The following MARF1 variants were observed in gnomAD, a reference collection of about 807,000 sequenced individuals.
The protein encoded by MARF1 is meiosis regulator and mRNA stability factor 1.
MARF1 carries 24 observed loss-of-function variants against 168.2 expected under a neutral mutation model. The ratio of observed to expected loss-of-function variants is 0.14; its 90% CI spans 0.10 to 0.20. The LOEUF is 0.20. MARF1 is among the 10% of genes least tolerant of loss of function. The pLI is 1.00. For synonymous variants in MARF1, 868 were observed against 822.4 expected (o/e 1.06, Z -0.95); for missense variants, 1,744 against 2,143.6 (o/e 0.81, Z 3.68).
chr16:15,629,311 TCTGG>T (rs2035086609), intron 7 of MARF1, among the ~76,000 whole-genome samples: 1 of 152,146 alleles, frequency 6.6e-6, no homozygotes, highest in African/African-American at 2.4e-5. Flanking sequence ...TGGGTAAGCC[TCTGG>T]TATCCACAAC....
Position 15,625,158 on chromosome 16 carries a change from C to G in MARF1, c.1969G>C (p.Glu657Gln). ...VKSLQELCRM[E>Q]SKTGHRNSEH... Reference sequence around the variant, plus strand: ...CTGTTTCTATGACCAGTTTTTGACTCCATGCGGCACAGCTCCTTCAAAGAC... The same window carrying G: ...CTGTTTCTATGACCAGTTTTTGACTGCATGCGGCACAGCTCCTTCAAAGAC... Residue 657 changes from glutamate to glutamine, a missense_variant, in exon 9 of 27, where the codon GAG (glutamate) becomes CAG (glutamine). Physicochemically the swap from Glu to Gln is conservative, Grantham distance 29. Coordinates refer to ENST00000396368, the MANE Select transcript of MARF1 (RefSeq NM_014647.4). 6.2e-7 allele frequency: 1 copy of G among 1,614,052 alleles called. No individual in the cohort carries two copies. Among genetic ancestry groups the G allele is most frequent in the South Asian group, 1.1e-5 (1 of 91,072 alleles).
At chr16:15,627,447 C>G (rs1454057808) in intron 7 of MARF1, among the ~76,000 whole-genome samples, 2 of 151,926 alleles carry the variant, frequency 1.3e-5, no homozygotes, top group Non-Finnish European at 2.9e-5. Flanking sequence ...AGTGAAACCC[C>G]CTCTCTACTA....
intron 1 of MARF1, chr16:15,642,391 A>T (rs2151355529): frequency 6.6e-6 from 1 of 152,350 alleles, no homozygotes; most frequent in Admixed American, 6.5e-5. Context: ...TTGAACGAAT[A>T]AAGCTTAATA....
intron 7 of MARF1, among the ~76,000 whole-genome samples, chr16:15,626,796 C>A (rs980296999): frequency 6.6e-6 from 1 of 151,108 alleles, no homozygotes; most frequent in Non-Finnish European, 1.5e-5. Context: ...CCCATCTCTA[C>A]TAAAAATACA....
chr16:15,602,283 G>T, intron 22 of MARF1, 80 bp from the exon 23 acceptor site: 1 of 1,131,460 alleles, frequency 8.8e-7, no homozygotes, highest in Non-Finnish European at 1.3e-6. Flanking sequence ...CCCACTGAGG[G>T]AAAAGGCCCA....
At chr16:15,601,710 T>C (rs1177990611) in intron 23 of MARF1, 6 of 525,944 alleles carry the variant, frequency 1.1e-5, no homozygotes, top group Non-Finnish European at 2.1e-5. Flanking sequence ...CCCTGACTAG[T>C]TGCCTGCTTG....
intron 21 of MARF1, among the ~76,000 whole-genome samples, chr16:15,606,759 T>A (rs2033049687): frequency 6.6e-6 from 1 of 152,164 alleles, no homozygotes; most frequent in Admixed American, 6.5e-5. Flanking sequence ...TATGTTCATC[T>A]TCTCTCTCTA....
At chr16:15,630,696 A>C (rs1473145234) in intron 6 of MARF1, among the ~76,000 whole-genome samples, 192 bp from the exon 7 acceptor site, 1 of 152,202 alleles carries the variant, frequency 6.6e-6, no homozygotes, top group Non-Finnish European at 1.5e-5. Flanking sequence ...AAAGAATTCC[A>C]AGACACATAT....
rs999638478 is a variant in MARF1 at position 15,595,187 on chromosome 16, C to G, written c.*1506G>C. On this transcript the variant is annotated 3_prime_UTR_variant, in exon 27 of 27. Transcript: ENST00000396368. The stretch of plus-strand genomic sequence containing the variant: ...CTTACAGGGTTTTTTCCATGGTGTT[C>G]TGTCTTGACTGGGGCCATGTGTTGA... 1 of 152,578 alleles carries G rather than the reference C, an allele frequency of 6.6e-6. No homozygotes were observed. The highest frequency in any genetic ancestry group is 1.5e-5 in the Non-Finnish European group (1 of 68,036). 9.5% of individuals were successfully genotyped at this position (152,578 alleles called of 1,614,324 possible). A position where few individuals can be genotyped will look rare whatever the true frequency, so the allele number is the denominator to read the frequency against.
In MARF1 at chr16:15,620,455, T is replaced by C. The variant is rs1185814704; in HGVS notation, c.2716A>G (p.Lys906Glu). Residue 906 changes from lysine to glutamate, a missense_variant, in exon 13 of 27, where the codon AAA (lysine) becomes GAA (glutamate). This residue lies in a region of MARF1 where 543 missense variants were observed against 742.1 expected (regional missense o/e 0.73). Coordinates refer to ENST00000396368, the MANE Select transcript of MARF1 (RefSeq NM_014647.4). ...GAAAAAATATACCTAACTTACTTTT[T>C]TTCATAGATATCTGTAAATTTAAAC... ...PLFKFTDIYEKKFGHKLNVSD... is the reference protein window; with the variant it reads ...PLFKFTDIYEEKFGHKLNVSD... The C allele has an allele frequency of 1.2e-6, 2 of 1,606,974 alleles. No individual in the cohort carries two copies. Among genetic ancestry groups the C allele is most frequent in the African/African-American group, 1.3e-5 (1 of 74,662 alleles).
intron 22 of MARF1, chr16:15,602,520 C>T (rs57367783): frequency 0.025 from 11,302 of 459,674 alleles, 992 homozygotes; most frequent in African/African-American, 0.21. Context: ...ATGAAGAAGA[C>T]GAAGACGACG....
chr16:15,603,318 TTTTC>T (rs1157698439), intron 22 of MARF1, among the ~76,000 whole-genome samples: 15 of 152,192 alleles, frequency 9.9e-5, no homozygotes, highest in Non-Finnish European at 1.8e-4. Flanking sequence ...AGCTTTCCTT[TTTTC>T]TTTTTCAGCA....
At chr16:15,609,402 T>A in intron 20 of MARF1, 121 bp downstream of exon 20, 1 of 759,488 alleles carries the variant, frequency 1.3e-6, no homozygotes. Flanking sequence ...TGGAATAGCT[T>A]AGATTTTCAT....
At chr16:15,626,020 G>A (rs2034816866) in intron 7 of MARF1, among the ~76,000 whole-genome samples, 1 of 152,154 alleles carries the variant, frequency 6.6e-6, no homozygotes, top group South Asian at 2.1e-4. Flanking sequence ...CATGCCTACA[G>A]TCCCAGCTAC....
At chr16:15,627,566 G>A (rs564660778) in intron 7 of MARF1, among the ~76,000 whole-genome samples, 3 of 152,134 alleles carry the variant, frequency 2.0e-5, no homozygotes, top group East Asian at 1.9e-4. Flanking sequence ...TGCAGTAAGC[G>A]GAGATCACGC....
intron 26 of MARF1, 22 bp downstream of exon 26, chr16:15,598,832 A>T (rs1188957667): frequency 1.2e-6 from 2 of 1,612,676 alleles, no homozygotes; most frequent in Admixed American, 3.3e-5. Context: ...GAAAATCCCC[A>T]TGACAACATG....
At chr16:15,606,325 C>A (rs974070838) in intron 21 of MARF1, among the ~76,000 whole-genome samples, 1 of 152,140 alleles carries the variant, frequency 6.6e-6, no homozygotes, top group Non-Finnish European at 1.5e-5. Flanking sequence ...TGACGCCCAT[C>A]GGTAAACTCC....
chr16:15,621,545 G>A (rs901532296), intron 12 of MARF1, 188 bp downstream of exon 12: 38 of 607,482 alleles, frequency 6.3e-5, no homozygotes, highest in Non-Finnish European at 8.4e-5. Context: ...CTGTATTCCA[G>A]CTTTGATTAA....
chr16:15,640,688 CCT>C (rs756758305), intron 1 of MARF1, among the ~76,000 whole-genome samples: 1 of 152,146 alleles, frequency 6.6e-6, no homozygotes, highest in East Asian at 1.9e-4. Flanking sequence ...GGAGTGAGAC[CCT>C]GTCTCAAAAA....
Sources: gnomAD v4.1 joint callset for allele counts (sites outside exome capture counted in the v4.1 genomes callset) on GRCh38, gnomAD v4.1.1 for gene constraint, gnomAD v4.1.1 regional missense constraint, MANE v1.5 for transcripts, NCBI Gene and HGNC (gene_info 2026-07-23, HGNC 2026-07-21) for gene names.